The following SAV1 variants were observed in gnomAD, a reference collection of about 807,000 sequenced individuals.
SAV1 encodes salvador family WW domain containing protein 1.
Under a neutral mutation model 47.3 loss-of-function variants are expected in SAV1, and 23 were observed. That is an observed-to-expected ratio of 0.49 (90% confidence interval 0.35 to 0.69). The LOEUF (loss-of-function observed/expected upper bound fraction) is 0.69. SAV1 is among the 30% of genes least tolerant of loss of function. The probability of loss-of-function intolerance (pLI) is 0.01; values close to 1 mark genes in which losing one functional copy is unlikely to be tolerated. For synonymous variants in SAV1, 155 were observed against 159.2 expected (o/e 0.97, Z 0.20); for missense variants, 448 against 457.4 (o/e 0.98, Z 0.19).
intron 2 of SAV1, among the ~76,000 whole-genome samples, chr14:50,645,731 TA>T (rs372535160): frequency 0.049 from 7,516 of 151,890 alleles, 203 homozygotes; most frequent in African/African-American, 0.069. Flanking sequence ...ATTTCAGCTT[TA>T]AAAAAAATGT....
intron 2 of SAV1, among the ~76,000 whole-genome samples, chr14:50,657,632 ATGG>A (rs1168154742): frequency 3.3e-5 from 5 of 152,230 alleles, no homozygotes; most frequent in South Asian, 2.1e-4. Flanking sequence ...GTGGGAAAAA[ATGG>A]TAACTTCAGT....
At chr14:50,639,370 CTCA>C (rs373240120) in intron 4 of SAV1, among the ~76,000 whole-genome samples, 3,201 of 152,104 alleles carry the variant, frequency 0.021, 123 homozygotes, top group African/African-American at 0.073. Flanking sequence ...ATAATTGATT[CTCA>C]TTATCTAATT....
At chr14:50,651,618 A>G (rs564062265) in intron 2 of SAV1, among the ~76,000 whole-genome samples, 89 of 152,240 alleles carry the variant, frequency 5.8e-4, no homozygotes, top group African/African-American at 2.1e-3. Flanking sequence ...AATTTTATGT[A>G]TTACTTATTT....
chr14:50,659,955 C>T (rs183798250), intron 2 of SAV1, among the ~76,000 whole-genome samples: 1 of 152,248 alleles, frequency 6.6e-6, no homozygotes, highest in South Asian at 2.1e-4. Context: ...ACTTTGATCA[C>T]TGGTGATCTC....
chr14:50,650,503 C>G (rs2039758923), intron 2 of SAV1, among the ~76,000 whole-genome samples: 1 of 152,232 alleles, frequency 6.6e-6, no homozygotes, highest in Non-Finnish European at 1.5e-5. Context: ...GATTCACACC[C>G]TTGTCTGTGT....
At chr14:50,651,318 T>G (rs1389251527) in intron 2 of SAV1, among the ~76,000 whole-genome samples, 1 of 152,236 alleles carries the variant, frequency 6.6e-6, no homozygotes, top group Non-Finnish European at 1.5e-5. Context: ...TTGTATCTAT[T>G]TTCATAAAGT....
At chr14:50,639,351 T>C (rs181164291) in intron 4 of SAV1, among the ~76,000 whole-genome samples, 1,269 of 101,806 alleles carry the variant, frequency 0.012, 55 homozygotes, top group Admixed American at 0.12. Context: ...AATGTCTCTT[T>C]TTGTTGTGAT....
At chr14:50,667,337 T>C (rs1216946838) in intron 1 of SAV1, 1 of 445,206 alleles carries the variant, frequency 2.2e-6, no homozygotes, top group Admixed American at 2.4e-5. Flanking sequence ...GTAAGAGTGA[T>C]GAGGCTTTGG....
Position 50,634,164 on chromosome 14 carries a change from A to AAC in SAV1, c.*1017_*1018dup. On this transcript the variant is annotated 3_prime_UTR_variant, in exon 5 of 5. Coordinates refer to ENST00000324679, the MANE Select transcript of SAV1 (RefSeq NM_021818.4). ...TCGTCAGAGCCATGCTAAATGCAGT[A>AAC]ACAGCACTGGCTGAAAATAAGGAAG... 1 of 455,396 alleles carries AAC rather than the reference A, an allele frequency of 2.2e-6. No individual in the cohort carries two copies. Among genetic ancestry groups the AAC allele is most frequent in the Non-Finnish European group, 4.4e-6 (1 of 226,404 alleles). 28.2% of individuals were successfully genotyped at this position (455,396 alleles called of 1,614,324 possible).
At chr14:50,659,033 TCTCTCAAG>T (rs1466407921) in intron 2 of SAV1, among the ~76,000 whole-genome samples, 10 of 151,790 alleles carry the variant, frequency 6.6e-5, no homozygotes, top group Non-Finnish European at 1.0e-4. Context: ...TCAAATGAAG[TCTCTCAAG>T]CTCTCAAGCA....
At chr14:50,646,267 G>A (rs1595639725) in intron 2 of SAV1, among the ~76,000 whole-genome samples, 1 of 152,218 alleles carries the variant, frequency 6.6e-6, no homozygotes, top group Non-Finnish European at 1.5e-5. Flanking sequence ...CTGGGTGAAT[G>A]TAATCTCTCT....
At chr14:50,646,900 C>G (rs535965446) in intron 2 of SAV1, among the ~76,000 whole-genome samples, 1 of 152,162 alleles carries the variant, frequency 6.6e-6, no homozygotes, top group South Asian at 2.1e-4. Flanking sequence ...GTCAGAAGAA[C>G]AGACAAATAG....
intron 1 of SAV1, 94 bp from the exon 2 acceptor site, chr14:50,665,713 A>C: frequency 9.1e-7 from 1 of 1,100,654 alleles, no homozygotes; most frequent in Non-Finnish European, 1.3e-6. Context: ...CCAAAATCAA[A>C]ATGTCAGTCA....
At chr14:50,656,371 C>G (rs532797051) in intron 2 of SAV1, among the ~76,000 whole-genome samples, 3 of 152,050 alleles carry the variant, frequency 2.0e-5, no homozygotes, top group Non-Finnish European at 4.4e-5. Context: ...CTCCAATGCC[C>G]TGTAAAGCCA....
chr14:50,665,339 T>G lies in SAV1; in HGVS notation c.375A>C (p.Glu125Asp). 1 of 1,613,752 alleles carries G rather than the reference T, an allele frequency of 6.2e-7. No homozygotes were observed. The highest frequency in any genetic ancestry group is 2.2e-5 in the East Asian group (1 of 44,874). ...SFVTEVSFAV[E>D]NGDSGSRYYY... ...AATATCGGGAACCAGAGTCTCCATT[T>G]TCAACAGCAAAACTAACTTCCGTTA... The change falls in exon 2 of 5, where the codon GAA becomes GAC. Residue 125 changes from glutamate to aspartate, a missense_variant. Coordinates refer to ENST00000324679, the MANE Select transcript of SAV1 (RefSeq NM_021818.4).
At chr14:50,637,040 G>A (rs1002293642) in intron 4 of SAV1, among the ~76,000 whole-genome samples, 1 of 152,042 alleles carries the variant, frequency 6.6e-6, no homozygotes, top group African/African-American at 2.4e-5. Context: ...AAAACATACC[G>A]AGCAGTTAGT....
chr14:50,654,268 AAT>A (rs2039794025), intron 2 of SAV1, among the ~76,000 whole-genome samples: 1 of 152,236 alleles, frequency 6.6e-6, no homozygotes, highest in African/African-American at 2.4e-5. Flanking sequence ...CTACTTTATC[AAT>A]TAAATTTATT....
At chr14:50,650,265 T>A (rs946724525) in intron 2 of SAV1, among the ~76,000 whole-genome samples, 1 of 152,188 alleles carries the variant, frequency 6.6e-6, no homozygotes, top group African/African-American at 2.4e-5. Context: ...ATCAACCAAA[T>A]GTCCAATAAT....
intron 2 of SAV1, among the ~76,000 whole-genome samples, chr14:50,661,934 T>C (rs2039863577): frequency 6.6e-6 from 1 of 152,208 alleles, no homozygotes; most frequent in Non-Finnish European, 1.5e-5. Flanking sequence ...TTGCTCAGGA[T>C]TACTTTGGGT....
Sources: allele counts gnomAD v4.1 joint callset (sites outside exome capture counted in the v4.1 genomes callset), GRCh38; gene constraint gnomAD v4.1.1; transcripts MANE v1.5; gene names NCBI Gene and HGNC (gene_info 2026-07-23, HGNC 2026-07-21).